TAS2R1: variants seen among roughly 807,000 people sequenced by gnomAD.
TAS2R1 encodes taste 2 receptor member 1.
For missense variants in TAS2R1, 370 were observed against 353.4 expected, an observed-to-expected ratio of 1.05 and a Z score of -0.38; for synonymous variants, 141 against 134.2, an observed-to-expected ratio of 1.05 and a Z score of -0.35.
chr5:9,752,434 T>G, the TAS2R1 span, among the ~76,000 whole-genome samples: 1 of 152,186 alleles, frequency 6.6e-6, no homozygotes, highest in East Asian at 1.9e-4. Flanking sequence ...ATGTCTGATA[T>G]CCCTCTTTCT....
intron 2 of TAS2R1, among the ~76,000 whole-genome samples, chr5:9,648,064 G>A (rs1024468648): frequency 3.9e-5 from 6 of 152,096 alleles, no homozygotes; most frequent in Admixed American, 3.3e-4. Flanking sequence ...TATCTCAAAA[G>A]CAACTATTGT....
the TAS2R1 span, among the ~76,000 whole-genome samples, chr5:9,851,218 C>T: frequency 2.0e-5 from 3 of 152,156 alleles, no homozygotes; most frequent in Admixed American, 6.5e-5. Flanking sequence ...AACATCCAAA[C>T]TTATTGATAA....
intron 2 of TAS2R1, among the ~76,000 whole-genome samples, chr5:9,650,962 T>C (rs1253739158): frequency 6.6e-6 from 1 of 152,210 alleles, no homozygotes; most frequent in Non-Finnish European, 1.5e-5. Context: ...TGCTGATCAA[T>C]GACACTGCAG....
chr5:9,893,647 T>A, the TAS2R1 span, among the ~76,000 whole-genome samples: 1 of 152,182 alleles, frequency 6.6e-6, no homozygotes, highest in Non-Finnish European at 1.5e-5. Context: ...CAACGTAATC[T>A]CCTTCTACTT....
chr5:9,700,253 A>T (rs368040407), intron 1 of TAS2R1, among the ~76,000 whole-genome samples: 25 of 152,274 alleles, frequency 1.6e-4, no homozygotes, highest in African/African-American at 5.8e-4. Flanking sequence ...ATTGAAATGG[A>T]ATCATTCATC....
chr5:9,786,046 C>T, the TAS2R1 span, among the ~76,000 whole-genome samples: 1 of 152,212 alleles, frequency 6.6e-6, no homozygotes, highest in African/African-American at 2.4e-5. Flanking sequence ...TTTTCCTTTG[C>T]TTATTTAAAA....
At chr5:9,641,458 GC>G (rs1478728213) in intron 2 of TAS2R1, 6 of 152,172 alleles carry the variant, frequency 3.9e-5, no homozygotes, top group Admixed American at 3.9e-4. Context: ...CACAGAGTCT[GC>G]CAAAGATTCA....
At chr5:9,839,604 A>T in the TAS2R1 span, among the ~76,000 whole-genome samples, 9,019 of 152,260 alleles carry the variant, frequency 0.059, 629 homozygotes, top group East Asian at 0.23. Context: ...TCCAATAAGT[A>T]CAAAGTGACT....
At chr5:9,767,963 C>T in the TAS2R1 span, among the ~76,000 whole-genome samples, 1 of 149,294 alleles carries the variant, frequency 6.7e-6, no homozygotes, top group Non-Finnish European at 1.5e-5. Context: ...ATCACTCCTT[C>T]ACTTAGAACC....
At chr5:9,762,225 C>A in the TAS2R1 span, among the ~76,000 whole-genome samples, 1 of 152,174 alleles carries the variant, frequency 6.6e-6, no homozygotes, top group Non-Finnish European at 1.5e-5. Flanking sequence ...GTAAGCTTTT[C>A]ACTCTTCCAC....
At chr5:9,886,602 G>A in the TAS2R1 span, among the ~76,000 whole-genome samples, 3 of 152,004 alleles carry the variant, frequency 2.0e-5, no homozygotes. Flanking sequence ...TCAAAGTGCT[G>A]GGATTACAGA....
chr5:9,649,557 T>C (rs1403566072), intron 2 of TAS2R1, among the ~76,000 whole-genome samples: 1 of 152,158 alleles, frequency 6.6e-6, no homozygotes, highest in East Asian at 1.9e-4. Context: ...TTTCCCCAAT[T>C]TCCTATAATT....
chr5:9,792,897 T>C, the TAS2R1 span, among the ~76,000 whole-genome samples: 7 of 152,140 alleles, frequency 4.6e-5, no homozygotes. Context: ...GTTCATTCTA[T>C]CCCAAATCCA....
the TAS2R1 span, among the ~76,000 whole-genome samples, chr5:9,791,159 T>C: frequency 6.6e-6 from 1 of 152,130 alleles, no homozygotes; most frequent in Non-Finnish European, 1.5e-5. Context: ...ACATTAGTCT[T>C]ATAGCTGTGA....
chr5:9,640,518 A>AAAAAC (rs1561366640), intron 2 of TAS2R1, among the ~76,000 whole-genome samples: 2 of 148,288 alleles, frequency 1.3e-5, no homozygotes, highest in Non-Finnish European at 3.0e-5. Context: ...AAAAAAAAAA[A>AAAAAC]AAAACAGTAC....
the TAS2R1 span, among the ~76,000 whole-genome samples, chr5:9,722,742 G>C: frequency 6.6e-6 from 1 of 152,124 alleles, no homozygotes; most frequent in Non-Finnish European, 1.5e-5. Flanking sequence ...AATACCTCCT[G>C]GTATTTAGAA....
Position 9,629,307 on chromosome 5 carries a change from C to T in TAS2R1, c.726G>A (p.Met242Ile). 1 of 1,613,436 alleles carries T rather than the reference C, an allele frequency of 6.2e-7. No homozygotes were observed. Among genetic ancestry groups the T allele is most frequent in the Non-Finnish European group, 8.5e-7 (1 of 1,179,794 alleles). ...SFLILYFSHC[M>I]IKVFLSSLKF... Reference sequence around the variant, plus strand: ...TTAGAGAAGAGAGAAAAACTTTTATCATGCAGTGGGAGAAGTAGAGGATCA... The same window carrying T: ...TTAGAGAAGAGAGAAAAACTTTTATTATGCAGTGGGAGAAGTAGAGGATCA... The change falls in exon 1 of 1, where the codon ATG becomes ATA. Residue 242 changes from methionine (M) to isoleucine (I), a missense_variant. By Grantham distance (10) the Met-to-Ile change is conservative. Transcript: ENST00000382492.
At chr5:9,808,314 T>A in the TAS2R1 span, among the ~76,000 whole-genome samples, 1 of 152,152 alleles carries the variant, frequency 6.6e-6, no homozygotes, top group East Asian at 1.9e-4. Flanking sequence ...GCAAAGAACT[T>A]GACTAACGTG....
At chr5:9,724,452 A>G in the TAS2R1 span, among the ~76,000 whole-genome samples, 1 of 151,990 alleles carries the variant, frequency 6.6e-6, no homozygotes, top group African/African-American at 2.4e-5. Flanking sequence ...ACATGCTAAA[A>G]TAAACTTTTC....
Sources: gnomAD v4.1 joint callset for allele counts (sites outside exome capture counted in the v4.1 genomes callset) on GRCh38, gnomAD v4.1.1 for gene constraint, MANE v1.5 for transcripts, NCBI Gene and HGNC (gene_info 2026-07-23, HGNC 2026-07-21) for gene names.